ARHGAP42: variants seen among roughly 807,000 people sequenced by gnomAD.
ARHGAP42 encodes Rho GTPase activating protein 42, also known as rho GTPase-activating protein 42.
Under a neutral mutation model 125.0 loss-of-function variants are expected in ARHGAP42, and 63 were observed. The ratio of observed to expected loss-of-function variants is 0.50; its 90% CI spans 0.41 to 0.62. The LOEUF (loss-of-function observed/expected upper bound fraction) is 0.62. Among genes scored for constraint, ARHGAP42 ranks in the 20% least tolerant of loss-of-function variants. The pLI is 0.00. For synonymous variants in ARHGAP42, 339 were observed against 351.0 expected, an observed-to-expected ratio of 0.97 and a Z score of 0.38; for missense variants, 766 against 1,024.2, an observed-to-expected ratio of 0.75 and a Z score of 3.44.
intron 22 of ARHGAP42, among the ~76,000 whole-genome samples, chr11:100,981,041 G>T (rs892871685): frequency 1.3e-5 from 2 of 152,286 alleles, no homozygotes; most frequent in East Asian, 1.9e-4. Context: ...AGGGGAACAT[G>T]AATGAACTTT....
At chr11:100,791,245 G>T (rs1480611628) in intron 2 of ARHGAP42, among the ~76,000 whole-genome samples, 2 of 152,196 alleles carry the variant, frequency 1.3e-5, no homozygotes, top group African/African-American at 4.8e-5. Context: ...GCTTGTGTCA[G>T]AGGTTTCTGT....
intron 3 of ARHGAP42, among the ~76,000 whole-genome samples, chr11:100,838,818 T>C (rs1320343192): frequency 2.0e-5 from 3 of 152,186 alleles, no homozygotes; most frequent in Admixed American, 2.0e-4. Context: ...GAGTCGTCAG[T>C]CATTGACAGG....
chr11:100,726,045 C>T (rs987015699), intron 1 of ARHGAP42, among the ~76,000 whole-genome samples: 1 of 141,740 alleles, frequency 7.1e-6, no homozygotes, highest in African/African-American at 2.7e-5. Flanking sequence ...TTGCAGTGAG[C>T]TGTGATTGCA....
chr11:100,756,650 A>G (rs1353093546), intron 1 of ARHGAP42, among the ~76,000 whole-genome samples: 1 of 152,210 alleles, frequency 6.6e-6, no homozygotes, highest in Non-Finnish European at 1.5e-5. Flanking sequence ...ATTTGTATGA[A>G]AGTCTCTTTT....
At chr11:100,779,471 T>C (rs866828833) in intron 2 of ARHGAP42, among the ~76,000 whole-genome samples, 1 of 75,172 alleles carries the variant, frequency 1.3e-5, no homozygotes, top group Non-Finnish European at 2.8e-5. Context: ...AAAAAAAATA[T>C]ATATATATAT....
intron 4 of ARHGAP42, among the ~76,000 whole-genome samples, chr11:100,904,837 CT>C (rs768083496): frequency 2.5e-4 from 38 of 152,198 alleles, no homozygotes; most frequent in Admixed American, 1.4e-3. Context: ...TGTTTTCATG[CT>C]CATAAAATGA....
intron 22 of ARHGAP42, among the ~76,000 whole-genome samples, chr11:100,984,476 G>A (rs1448029319): frequency 6.6e-6 from 1 of 151,836 alleles, no homozygotes; most frequent in Non-Finnish European, 1.5e-5. Flanking sequence ...ACCGTCAATA[G>A]CATACAAAAT....
chr11:100,838,325 A>T (rs1864864131), intron 3 of ARHGAP42, among the ~76,000 whole-genome samples: 1 of 152,150 alleles, frequency 6.6e-6, no homozygotes, highest in Non-Finnish European at 1.5e-5. Flanking sequence ...CTTTGAAATT[A>T]GTAAGTCCTT....
chr11:100,951,778 G>A (rs916156767), intron 12 of ARHGAP42, among the ~76,000 whole-genome samples: 2 of 152,104 alleles, frequency 1.3e-5, no homozygotes, highest in Non-Finnish European at 2.9e-5. Flanking sequence ...TTATAAAATG[G>A]TGTGCGTTTC....
intron 3 of ARHGAP42, among the ~76,000 whole-genome samples, chr11:100,823,952 T>C (rs1184605343): frequency 6.6e-6 from 1 of 152,202 alleles, no homozygotes; most frequent in Non-Finnish European, 1.5e-5. Flanking sequence ...AATGTGCTAT[T>C]CTGACAGATT....
intron 3 of ARHGAP42, among the ~76,000 whole-genome samples, chr11:100,806,257 T>G (rs1863986129): frequency 6.6e-6 from 1 of 152,240 alleles, no homozygotes; most frequent in African/African-American, 2.4e-5. Flanking sequence ...ATTTTAAATA[T>G]CGAAAGAATT....
chr11:100,773,699 C>T (rs962159321), intron 2 of ARHGAP42, among the ~76,000 whole-genome samples: 15 of 152,190 alleles, frequency 9.9e-5, no homozygotes, highest in Non-Finnish European at 1.9e-4. Flanking sequence ...GATATCTCAA[C>T]AGTGGTTTGT....
At chr11:100,811,727 T>C (rs927386094) in intron 3 of ARHGAP42, among the ~76,000 whole-genome samples, 11 of 152,070 alleles carry the variant, frequency 7.2e-5, no homozygotes, top group African/African-American at 2.7e-4. Flanking sequence ...TTCAAACTCC[T>C]GACCTCAAGT....
intron 12 of ARHGAP42, among the ~76,000 whole-genome samples, chr11:100,952,734 CT>C (rs59112603): frequency 1.8e-4 from 21 of 117,490 alleles, no homozygotes; most frequent in Admixed American, 1.0e-4. Flanking sequence ...CTAAGTCAGG[CT>C]TTTTTTTTTT....
At chr11:100,833,993 G>C (rs1351341534) in intron 3 of ARHGAP42, among the ~76,000 whole-genome samples, 2 of 152,084 alleles carry the variant, frequency 1.3e-5, no homozygotes, top group Non-Finnish European at 2.9e-5. Flanking sequence ...TAAAATCTTA[G>C]GTTTGGAAAA....
intron 3 of ARHGAP42, among the ~76,000 whole-genome samples, chr11:100,827,002 CTTTTTTTTTTTTT>C (rs869260353): frequency 1.2e-5 from 1 of 80,886 alleles, no homozygotes; most frequent in Non-Finnish European, 2.3e-5. Flanking sequence ...GCCTTACATC[CTTTTTTTTTTTTT>C]TTTTTTTTTT....
At chr11:100,770,787 C>T (rs530147130) in intron 2 of ARHGAP42, among the ~76,000 whole-genome samples, 2 of 152,226 alleles carry the variant, frequency 1.3e-5, no homozygotes, top group African/African-American at 4.8e-5. Context: ...CCATTTTGGT[C>T]AGCCTGGTCT....
chr11:100,938,355 G>A (rs1867790984), intron 8 of ARHGAP42, among the ~76,000 whole-genome samples: 1 of 152,018 alleles, frequency 6.6e-6, no homozygotes, highest in African/African-American at 2.4e-5. Context: ...TTGTGTCCTT[G>A]TTTTGATGGA....
At chr11:100,893,513 C>T (rs1002025545) in intron 4 of ARHGAP42, among the ~76,000 whole-genome samples, 1 of 151,876 alleles carries the variant, frequency 6.6e-6, no homozygotes, top group African/African-American at 2.4e-5. Context: ...GAAGGTGAGG[C>T]GAAACTTAAA....
Sources: gnomAD v4.1 joint callset for allele counts (sites outside exome capture counted in the v4.1 genomes callset) on GRCh38, gnomAD v4.1.1 for gene constraint, MANE v1.5 for transcripts, NCBI Gene and HGNC (gene_info 2026-07-23, HGNC 2026-07-21) for gene names.